TRIM16: variants seen among roughly 807,000 people sequenced by gnomAD.
TRIM16 encodes the protein tripartite motif-containing protein 16.
In TRIM16, 33 loss-of-function variants were observed where a neutral mutation model predicts 50.4. The observed-to-expected ratio is 0.65, with a 90% CI of 0.50 to 0.88. The LOEUF (loss-of-function observed/expected upper bound fraction) is 0.88, where lower values mean the gene tolerates loss of function less well. Among genes scored for constraint, TRIM16 ranks in the 40% least tolerant of loss-of-function variants. TRIM16 has a pLI of 0.00. For missense variants in TRIM16, 581 were observed against 686.8 expected (o/e 0.85, Z 1.72); for synonymous variants, 229 against 270.7 (o/e 0.85, Z 1.51).
intron 4 of TRIM16, among the ~76,000 whole-genome samples, chr17:15,680,629 C>A (rs1387657510): frequency 1.3e-5 from 2 of 152,116 alleles, no homozygotes; most frequent in African/African-American, 2.4e-5. Flanking sequence ...AGCCTCCTGA[C>A]CTTCACTGCT....
At chr17:15,659,006 T>C (rs10521309) in intron 6 of TRIM16, 75,236 of 365,328 alleles carry the variant, frequency 0.21, 8,473 homozygotes, top group East Asian at 0.32. Context: ...CAGAACACGA[T>C]TGTTGTAATG....
At chr17:15,647,321 G>A (rs1308524843) in intron 7 of TRIM16, among the ~76,000 whole-genome samples, 8 of 152,134 alleles carry the variant, frequency 5.3e-5, no homozygotes, top group Non-Finnish European at 1.0e-4. Context: ...TCCACCTTTC[G>A]GCTGCCAGCA....
chr17:15,634,698 G>A (rs1986639547), intron 9 of TRIM16, among the ~76,000 whole-genome samples: 1 of 146,918 alleles, frequency 6.8e-6, no homozygotes, highest in East Asian at 2.1e-4. Flanking sequence ...TGTAATCCCA[G>A]CTACTCGGGA....
intron 6 of TRIM16, among the ~76,000 whole-genome samples, chr17:15,654,912 A>G (rs1987901910): frequency 2.0e-5 from 3 of 152,102 alleles, no homozygotes; most frequent in South Asian, 4.1e-4. Flanking sequence ...TTGATTCCTT[A>G]ATTATCCCAC....
At chr17:15,647,813 TCATA>T (rs1165136478) in intron 7 of TRIM16, among the ~76,000 whole-genome samples, 1 of 100,236 alleles carries the variant, frequency 1.0e-5, no homozygotes, top group Non-Finnish European at 1.9e-5. Flanking sequence ...AGTCCAGATT[TCATA>T]CACACACACA....
At chr17:15,637,446 G>T (rs1355305099) in intron 8 of TRIM16, among the ~76,000 whole-genome samples, 1 of 120,772 alleles carries the variant, frequency 8.3e-6, no homozygotes, top group East Asian at 2.8e-4. Flanking sequence ...GAGGTGAGGG[G>T]CGCCTCTGCC....
At chr17:15,634,631 CAAA>C in intron 9 of TRIM16, among the ~76,000 whole-genome samples, 1 of 82,730 alleles carries the variant, frequency 1.2e-5, no homozygotes, top group South Asian at 4.1e-4. Flanking sequence ...AACTCAGTCT[CAAA>C]AAAAAAAAAA....
At position 15,631,669 on chromosome 17, in the gene TRIM16, T is replaced by C. The variant is rs1330174746; in HGVS notation, c.1061A>G (p.Lys354Arg). 2.5e-6 allele frequency: 4 copies of C among 1,613,898 alleles called. No individual in the cohort carries two copies. Among genetic ancestry groups the C allele is most frequent in the Non-Finnish European group, 3.4e-6 (4 of 1,179,856 alleles). ...GGGCTCAGGTTTGGAAGTCCAATAT[T>C]TGCGCTGAACAACGGCAGACACTTG... The part of the protein sequence containing the change: ...RTQVSAVVQR[K>R]YWTSKPEPST... Residue 354 changes from lysine (K) to arginine (R), a missense_variant, in exon 11 of 12, where the codon AAA (lysine) becomes AGA (arginine). This residue lies in a region of TRIM16 where 450 missense variants were observed against 544.3 expected (regional missense o/e 0.83). Coordinates refer to ENST00000649191, the MANE Select transcript of TRIM16 (RefSeq NM_001348119.1).
intron 6 of TRIM16, among the ~76,000 whole-genome samples, chr17:15,655,502 C>T (rs1206550273): frequency 6.6e-6 from 1 of 152,192 alleles, no homozygotes; most frequent in East Asian, 1.9e-4. Context: ...AGCTAGCAGA[C>T]ATTCCACAGT....
At chr17:15,681,583 C>T (rs1231566638) in intron 3 of TRIM16, among the ~76,000 whole-genome samples, 6 of 152,172 alleles carry the variant, frequency 3.9e-5, no homozygotes, top group Non-Finnish European at 5.9e-5. Context: ...ATGAATGAGC[C>T]CTAAATTCCC....
rs73978089 is a variant in TRIM16, at chr17:15,641,321, A to C, written c.615+1400T>G. ...GTTTAAAGATTTGAGGATGGTGTAC[A>C]TGCCTATCAATATACTGAGTCATTC... On this transcript the variant is annotated intron_variant, in intron 8 of 11. Coordinates refer to ENST00000649191, the MANE Select transcript of TRIM16 (RefSeq NM_001348119.1). 2.4e-3 allele frequency among the ~76,000 whole-genome samples: 353 copies of C among 149,044 alleles called. 20 individuals are homozygous for C. Among genetic ancestry groups the C allele is most frequent in the African/African-American group, 8.4e-3 (339 of 40,370 alleles).
chr17:15,652,150 CTT>C (rs200450452), intron 6 of TRIM16: 193 of 149,232 alleles, frequency 1.3e-3, no homozygotes, highest in Non-Finnish European at 2.0e-3. Context: ...CTTTTCTTTT[CTT>C]TTTTTTTTTT....
intron 8 of TRIM16, among the ~76,000 whole-genome samples, chr17:15,639,619 A>T (rs2323796): frequency 7.0e-6 from 1 of 142,382 alleles, no homozygotes; most frequent in Non-Finnish European, 1.6e-5. Context: ...TGTTGTCCAG[A>T]GCTGGCCCTC....
rs1185586483 is a variant in TRIM16 at position 15,637,950 on chromosome 17, C to G, written c.616-1681G>C. Among the ~76,000 whole-genome samples the G allele has an allele frequency of 4.0e-4, 57 of 141,800 alleles. 6 individuals carry two copies. In the South Asian group the frequency reaches 0.013, roughly 34 times the overall value. 93.0% of individuals were successfully genotyped at this position (141,800 alleles called of 152,430 possible). A position where few individuals can be genotyped will look rare whatever the true frequency, so the allele number is the denominator to read the frequency against. ...ATCCTGTTGATCTGTGACCTTACCC[C>G]CAACCCTGTGCTCTCTGAAACATGT... On this transcript the variant is annotated intron_variant, in intron 8 of 11. Transcript: ENST00000649191.
At chr17:15,630,834 CAT>C (rs1262126691) in intron 11 of TRIM16, among the ~76,000 whole-genome samples, 2 of 149,654 alleles carry the variant, frequency 1.3e-5, no homozygotes, top group Non-Finnish European at 1.5e-5. Flanking sequence ...TACATACATA[CAT>C]ATATATATGT....
chr17:15,668,366 A>G (rs1049028858), intron 6 of TRIM16, among the ~76,000 whole-genome samples: 1 of 152,212 alleles, frequency 6.6e-6, no homozygotes, highest in Admixed American at 6.5e-5. Flanking sequence ...GGGCTAGCCT[A>G]GTACCAGTTA....
intron 7 of TRIM16, among the ~76,000 whole-genome samples, chr17:15,645,499 C>T (rs1987324415): frequency 6.6e-6 from 1 of 151,904 alleles, no homozygotes; most frequent in Non-Finnish European, 1.5e-5. Context: ...CCAAGGCGCA[C>T]TTAAGCCTTT....
chr17:15,631,109 G>T (rs1408280578), intron 11 of TRIM16, among the ~76,000 whole-genome samples: 1 of 152,004 alleles, frequency 6.6e-6, no homozygotes, highest in African/African-American at 2.4e-5. Context: ...ACATAGAAAT[G>T]AATCACTTGG....
chr17:15,635,505 C>T (rs1250368070), intron 9 of TRIM16, among the ~76,000 whole-genome samples: 1 of 143,480 alleles, frequency 7.0e-6, no homozygotes, highest in Non-Finnish European at 1.5e-5. Flanking sequence ...CTCAATTACT[C>T]CAGCCACAGC....
Sources: gnomAD v4.1 joint callset for allele counts (sites outside exome capture counted in the v4.1 genomes callset) on GRCh38, gnomAD v4.1.1 for gene constraint, gnomAD v4.1.1 regional missense constraint, MANE v1.5 for transcripts, NCBI Gene and HGNC (gene_info 2026-07-23, HGNC 2026-07-21) for gene names.